UGT1A7: variants seen among roughly 807,000 people sequenced by gnomAD.
UGT1A7 encodes UDP-glucuronosyltransferase 1A7.
A neutral mutation model predicts 45.6 loss-of-function variants in UGT1A7; 33 were observed. The observed-to-expected ratio is 0.72, with a 90% CI of 0.55 to 0.97. The LOEUF is 0.97. UGT1A7 is among the 50% of genes least tolerant of loss of function. UGT1A7 has a pLI of 0.00. For missense variants in UGT1A7, 684 were observed against 666.2 expected, an observed-to-expected ratio of 1.03 and a Z score of -0.29; for synonymous variants, 274 against 250.6, an observed-to-expected ratio of 1.09 and a Z score of -0.88.
At chr2:233,726,128 C>T (rs2077506214) in intron 1 of UGT1A7, among the ~76,000 whole-genome samples, 1 of 152,282 alleles carries the variant, frequency 6.6e-6, no homozygotes, top group African/African-American at 2.4e-5. Flanking sequence ...TTCACACCAC[C>T]TCACTCCAGC....
chr2:233,761,294 G>T, intron 1 of UGT1A7: 1 of 1,510,468 alleles, frequency 6.6e-7, no homozygotes, highest in Non-Finnish European at 9.0e-7. Flanking sequence ...TGACTCCTAG[G>T]TTTGAGTCTG....
intron 1 of UGT1A7, chr2:233,690,660 A>G (rs1050957409): frequency 2.3e-5 from 30 of 1,280,332 alleles, no homozygotes; most frequent in Non-Finnish European, 2.8e-5. Flanking sequence ...TACAGCACCA[A>G]CCAGGGCAGG....
chr2:233,735,747 T>C (rs933103602), intron 1 of UGT1A7, among the ~76,000 whole-genome samples: 3 of 152,290 alleles, frequency 2.0e-5, no homozygotes, highest in African/African-American at 7.2e-5. Context: ...TATAAAGGAT[T>C]TTATTTCTCC....
In UGT1A7 at chr2:233,725,323, G is replaced by T. The variant is rs1370271039; in HGVS notation, c.856-41711G>T. Among the ~76,000 whole-genome samples the T allele has an allele frequency of 2.0e-5, 2 of 97,652 alleles. 1 individual carries two copies. The highest frequency in any genetic ancestry group is 4.3e-5 in the Non-Finnish European group (2 of 46,066). 64.1% of individuals were successfully genotyped at this position (97,652 alleles called of 152,430 possible). The stretch of plus-strand genomic sequence containing the variant: ...GCAGAGGCAGAGGCAGAGGCGCCTG[G>T]TCAACAATCTTAAGTCCAATAAGAA... On this transcript the variant is annotated intron_variant, in intron 1 of 4. Transcript: ENST00000373426.
At chr2:233,739,868 G>A (rs1691228804) in intron 1 of UGT1A7, among the ~76,000 whole-genome samples, 1 of 151,904 alleles carries the variant, frequency 6.6e-6, no homozygotes. Context: ...AGAATGATAT[G>A]ATTTGACTGT....
chr2:233,731,692 C>A (rs936290602), intron 1 of UGT1A7, among the ~76,000 whole-genome samples: 1 of 152,182 alleles, frequency 6.6e-6, no homozygotes. Context: ...CATTGATGGA[C>A]ATTTGGATTG....
intron 1 of UGT1A7, chr2:233,753,251 C>T (rs1242257828): frequency 6.6e-6 from 1 of 152,206 alleles, no homozygotes; most frequent in African/African-American, 2.4e-5. Flanking sequence ...TAAGAAGCAA[C>T]TACCCAGGCA....
At chr2:233,760,188 C>T (rs1697341455) in intron 1 of UGT1A7, 3 of 1,563,658 alleles carry the variant, frequency 1.9e-6, no homozygotes, top group East Asian at 2.3e-5. Flanking sequence ...TTTATAGTCA[C>T]GTGACACAGT....
chr2:233,750,438 G>A (rs1694457559), intron 1 of UGT1A7, among the ~76,000 whole-genome samples: 1 of 151,952 alleles, frequency 6.6e-6, no homozygotes, highest in South Asian at 2.1e-4. Flanking sequence ...ATTTTATGGG[G>A]AGAAATTCAA....
At chr2:233,690,381 G>A (rs890427076) in intron 1 of UGT1A7, 15 of 1,010,112 alleles carry the variant, frequency 1.5e-5, no homozygotes, top group Admixed American at 1.1e-4. Flanking sequence ...TAGGGTCCAC[G>A]TTTCCAGACC....
chr2:233,765,361 G>A (rs1166048656), intron 1 of UGT1A7, among the ~76,000 whole-genome samples: 1 of 152,180 alleles, frequency 6.6e-6, no homozygotes, highest in Non-Finnish European at 1.5e-5. Context: ...CAACCCAGAT[G>A]CCCATCAATG....
chr2:233,701,851 A>G (rs2075655797), intron 1 of UGT1A7, among the ~76,000 whole-genome samples: 1 of 152,220 alleles, frequency 6.6e-6, no homozygotes, highest in Non-Finnish European at 1.5e-5. Context: ...AGCAGTGTGT[A>G]GAGGGAAATT....
rs1301858882 is a variant in UGT1A7 at position 233,760,759 on chromosome 2, C to T, written c.856-6275C>T. 2.5e-6 allele frequency: 4 copies of T among 1,613,948 alleles called. No homozygotes were observed. In the African/African-American group the frequency reaches 4.0e-5, roughly 16 times the overall value. On this transcript the variant is annotated intron_variant, in intron 1 of 4. Transcript: ENST00000373426. Reference sequence around the variant, plus strand: ...GACGGACCCTTTCCTTCCTTGCAGCCCCATCGTGGCCCAGTACCTGTCTCT... The same window carrying T: ...GACGGACCCTTTCCTTCCTTGCAGCTCCATCGTGGCCCAGTACCTGTCTCT...
chr2:233,749,530 G>T (rs1211787123), intron 1 of UGT1A7, among the ~76,000 whole-genome samples: 2 of 151,832 alleles, frequency 1.3e-5, no homozygotes, highest in Non-Finnish European at 2.9e-5. Flanking sequence ...GCTAATTTTC[G>T]AGTGTGGTAA....
intron 1 of UGT1A7, chr2:233,690,498 A>G: frequency 7.8e-7 from 1 of 1,289,738 alleles, no homozygotes; most frequent in Non-Finnish European, 1.0e-6. Flanking sequence ...GCTCTTGCCA[A>G]CAGAGATTTG....
chr2:233,719,129 A>C lies in UGT1A7; in HGVS notation c.855+36337A>C, dbSNP rs1422705774. 6 of 1,614,158 alleles carry C rather than the reference A, an allele frequency of 3.7e-6. No individual in the cohort carries two copies. In the African/African-American group the frequency reaches 6.7e-5, roughly 18 times the overall value. ...GCTACACTCAAGGGTTCTTTGAAACAGAACATCTTCTGAAGAGATATTCTA... is the reference window on the plus strand; with the variant it reads ...GCTACACTCAAGGGTTCTTTGAAACCGAACATCTTCTGAAGAGATATTCTA... On this transcript the variant is annotated intron_variant, in intron 1 of 4. Transcript: ENST00000373426.
chr2:233,745,111 T>C (rs1693017578), intron 1 of UGT1A7, among the ~76,000 whole-genome samples: 2 of 151,928 alleles, frequency 1.3e-5, no homozygotes, highest in African/African-American at 4.9e-5. Context: ...TTTAATCTGC[T>C]GTTGGCTGAA....
intron 1 of UGT1A7, among the ~76,000 whole-genome samples, chr2:233,687,650 C>A (rs1194138465): frequency 1.3e-5 from 2 of 148,726 alleles, no homozygotes; most frequent in Non-Finnish European, 3.0e-5. Context: ...CACATGTAAT[C>A]ACAGCACTTT....
chr2:233,718,121 TG>T, intron 1 of UGT1A7: 1 of 289,636 alleles, frequency 3.5e-6, no homozygotes. Context: ...TCTTATTCCA[TG>T]GTGTAGATGG....
Sources: allele counts gnomAD v4.1 joint callset (sites outside exome capture counted in the v4.1 genomes callset), GRCh38; gene constraint gnomAD v4.1.1; transcripts MANE v1.5; gene names NCBI Gene and HGNC (gene_info 2026-07-23, HGNC 2026-07-21).